STXBP5L: variants seen among roughly 807,000 people sequenced by gnomAD.
STXBP5L encodes the protein syntaxin binding protein 5L.
STXBP5L carries 65 observed loss-of-function variants against 144.5 expected under a neutral mutation model. The ratio of observed to expected loss-of-function variants is 0.45; its 90% CI spans 0.37 to 0.55. STXBP5L has a LOEUF of 0.55. Among genes scored for constraint, STXBP5L ranks in the 20% least tolerant of loss-of-function variants. The pLI, the probability that STXBP5L is intolerant of heterozygous loss-of-function variation, is 0.00. For synonymous variants in STXBP5L, 505 were observed against 469.6 expected, an observed-to-expected ratio of 1.08 and a Z score of -0.97; for missense variants, 1,298 against 1,405.5, an observed-to-expected ratio of 0.92 and a Z score of 1.22.
At chr3:121,037,305 A>T (rs1346665693) in intron 3 of STXBP5L, among the ~76,000 whole-genome samples, 3 of 149,676 alleles carry the variant, frequency 2.0e-5, no homozygotes, top group African/African-American at 7.4e-5. Context: ...GGGAGTGCAG[A>T]GGTGTGATTA....
At chr3:121,060,264 T>G (rs1160261644) in intron 5 of STXBP5L, among the ~76,000 whole-genome samples, 1 of 152,224 alleles carries the variant, frequency 6.6e-6, no homozygotes, top group Admixed American at 6.5e-5. Context: ...GTTTATGTGA[T>G]GGATTATGTT....
chr3:121,024,773 A>G (rs1945807313), intron 3 of STXBP5L, among the ~76,000 whole-genome samples: 2 of 152,190 alleles, frequency 1.3e-5, no homozygotes, highest in Admixed American at 6.5e-5. Context: ...AAATGTATAA[A>G]CACAAGTATA....
intron 3 of STXBP5L, among the ~76,000 whole-genome samples, chr3:120,987,156 G>T (rs1942368218): frequency 6.6e-6 from 1 of 151,912 alleles, no homozygotes; most frequent in Non-Finnish European, 1.5e-5. Context: ...GTCAAGCAAA[G>T]AAAGAATCCT....
chr3:120,934,931 G>T (rs60120939), intron 2 of STXBP5L, among the ~76,000 whole-genome samples: 2,204 of 151,928 alleles, frequency 0.015, 56 homozygotes, highest in African/African-American at 0.05. Flanking sequence ...TGGGGGACTG[G>T]TTTTTTAATC....
intron 3 of STXBP5L, among the ~76,000 whole-genome samples, chr3:120,971,381 C>G (rs891299556): frequency 6.6e-6 from 1 of 151,316 alleles, no homozygotes; most frequent in Non-Finnish European, 1.5e-5. Context: ...GCACCCCCCC[C>G]AACTCCTTAA....
At chr3:121,047,477 G>T (rs1452017756) in intron 5 of STXBP5L, among the ~76,000 whole-genome samples, 2 of 152,104 alleles carry the variant, frequency 1.3e-5, no homozygotes, top group South Asian at 2.1e-4. Flanking sequence ...CTATTATTGT[G>T]TGGGAATCTA....
intron 9 of STXBP5L, among the ~76,000 whole-genome samples, chr3:121,173,684 T>C (rs1157890338): frequency 6.6e-6 from 1 of 152,066 alleles, no homozygotes; most frequent in African/African-American, 2.4e-5. Context: ...AAGAAAATCA[T>C]AAGGAAGAGA....
intron 5 of STXBP5L, among the ~76,000 whole-genome samples, chr3:121,088,128 A>G (rs1203910971): frequency 2.6e-5 from 4 of 151,080 alleles, no homozygotes; most frequent in African/African-American, 9.7e-5. Context: ...GCACAGCAAA[A>G]GAAACTACCA....
intron 5 of STXBP5L, among the ~76,000 whole-genome samples, chr3:121,114,220 G>A (rs1008663203): frequency 1.1e-4 from 16 of 152,148 alleles, no homozygotes; most frequent in East Asian, 1.9e-4. Flanking sequence ...CTATGGAACA[G>A]GTCCTAGAGC....
At chr3:121,349,349 A>G (rs1450579657) in intron 20 of STXBP5L, among the ~76,000 whole-genome samples, 3 of 151,944 alleles carry the variant, frequency 2.0e-5, no homozygotes, top group Non-Finnish European at 2.9e-5. Flanking sequence ...CTGTTCTTTT[A>G]CATTTGCTGA....
At chr3:121,279,680 A>G (rs2050991202) in intron 18 of STXBP5L, 125 bp from the exon 19 acceptor site, 7 of 1,128,542 alleles carry the variant, frequency 6.2e-6, no homozygotes, top group Non-Finnish European at 8.9e-6. Flanking sequence ...TTGACTTTAC[A>G]CAAATCACTG....
intron 2 of STXBP5L, among the ~76,000 whole-genome samples, chr3:120,937,271 C>T (rs1710311944): frequency 6.6e-6 from 1 of 152,078 alleles, no homozygotes; most frequent in Non-Finnish European, 1.5e-5. Context: ...CTCCTTTTTC[C>T]CTCCCTCTGC....
At chr3:120,913,183 T>G (rs1708935110) in intron 2 of STXBP5L, among the ~76,000 whole-genome samples, 1 of 152,054 alleles carries the variant, frequency 6.6e-6, no homozygotes, top group Admixed American at 6.5e-5. Flanking sequence ...AATCTGTCAC[T>G]GCCGTTATAC....
chr3:121,290,321 G>A (rs1006613787), intron 19 of STXBP5L, among the ~76,000 whole-genome samples: 6 of 151,946 alleles, frequency 3.9e-5, no homozygotes, highest in Non-Finnish European at 7.4e-5. Context: ...ATAAATTCCT[G>A]GAAATATACA....
chr3:121,391,566 G>C (rs1449564551), intron 22 of STXBP5L, among the ~76,000 whole-genome samples: 1 of 152,152 alleles, frequency 6.6e-6, no homozygotes, highest in Admixed American at 6.5e-5. Context: ...TAGAGATGGA[G>C]TTTTGGTGTA....
chr3:121,319,687 A>G (rs1421481559), intron 20 of STXBP5L, among the ~76,000 whole-genome samples: 1 of 152,206 alleles, frequency 6.6e-6, no homozygotes, highest in Non-Finnish European at 1.5e-5. Context: ...CACCTTTTAC[A>G]ATTAATGTTG....
At chr3:121,138,242 T>C (rs2045350184) in intron 7 of STXBP5L, among the ~76,000 whole-genome samples, 1 of 151,918 alleles carries the variant, frequency 6.6e-6, no homozygotes, top group African/African-American at 2.4e-5. Flanking sequence ...TTATAAGACA[T>C]TGATAAGAGA....
rs1035869721 is a variant in STXBP5L, at chr3:121,420,785, C to A, written c.*1688C>A. 1.3e-4 allele frequency: 19 copies of A among 151,942 alleles called. No individual in the cohort carries two copies. The highest frequency in any genetic ancestry group is 4.4e-4 in the African/African-American group (18 of 41,326). The allele number at this position is 151,942 out of a possible 1,614,324, so 9.4% of individuals were successfully genotyped here. A position where few individuals can be genotyped will look rare whatever the true frequency, so the allele number is the denominator to read the frequency against. On this transcript the variant is annotated 3_prime_UTR_variant, in exon 27 of 27. Transcript: ENST00000471454. ...CAGGTTATTTTATTAGCCAAAAAATCGTATTTTTATTTCCTTTTTAGTCTA... is the reference window on the plus strand; with the variant it reads ...CAGGTTATTTTATTAGCCAAAAAATAGTATTTTTATTTCCTTTTTAGTCTA...
chr3:121,095,457 C>T (rs938477645), intron 5 of STXBP5L, among the ~76,000 whole-genome samples: 2 of 152,124 alleles, frequency 1.3e-5, no homozygotes, highest in Non-Finnish European at 2.9e-5. Context: ...AAACATAGTC[C>T]CATATTTCTT....
Sources: gnomAD v4.1 joint callset for allele counts (sites outside exome capture counted in the v4.1 genomes callset) on GRCh38, gnomAD v4.1.1 for gene constraint, MANE v1.5 for transcripts, NCBI Gene and HGNC (gene_info 2026-07-23, HGNC 2026-07-21) for gene names.